The following MAST2 variants were observed in gnomAD, a reference collection of about 807,000 sequenced individuals.
MAST2 encodes microtubule associated serine/threonine kinase 2.
A neutral mutation model predicts 147.4 loss-of-function variants in MAST2; 70 were observed. That is an observed-to-expected ratio of 0.47 (90% CI 0.39 to 0.58). The LOEUF is 0.58. Among genes scored for constraint, MAST2 ranks in the 20% least tolerant of loss-of-function variants. The probability of loss-of-function intolerance (pLI) is 0.00; values close to 1 mark genes in which losing one functional copy is unlikely to be tolerated. For synonymous variants in MAST2, 869 were observed against 896.8 expected (o/e 0.97, Z 0.55); for missense variants, 2,080 against 2,302.3 (o/e 0.90, Z 1.98).
chr1:45,987,248 CT>C (rs922734066), intron 5 of MAST2, among the ~76,000 whole-genome samples: 4 of 151,284 alleles, frequency 2.6e-5, no homozygotes, highest in African/African-American at 7.3e-5. Context: ...TCTATTTTGT[CT>C]TTTTTTTTCC....
intron 3 of MAST2, among the ~76,000 whole-genome samples, chr1:45,831,719 T>A (rs1644961842): frequency 6.6e-6 from 1 of 151,918 alleles, no homozygotes; most frequent in Non-Finnish European, 1.5e-5. Flanking sequence ...GTATTTCTCC[T>A]AAGGTGAAGG....
intron 10 of MAST2, among the ~76,000 whole-genome samples, chr1:46,017,150 C>T (rs1318468755): frequency 1.3e-5 from 2 of 152,134 alleles, no homozygotes; most frequent in South Asian, 2.1e-4. Flanking sequence ...GGATCCCTTC[C>T]GTACACCTTA....
At chr1:45,813,804 A>G (rs980524141) in intron 1 of MAST2, among the ~76,000 whole-genome samples, 3 of 152,094 alleles carry the variant, frequency 2.0e-5, no homozygotes. Context: ...TGGCCAGATT[A>G]TAATTTTTTT....
chr1:45,982,460 A>G (rs577558136), intron 5 of MAST2, among the ~76,000 whole-genome samples: 48 of 152,192 alleles, frequency 3.2e-4, no homozygotes, highest in Non-Finnish European at 5.1e-4. Context: ...CATTTAGCCA[A>G]TCATTTAATC....
chr1:46,006,187 T>TGG (rs1162821374), intron 7 of MAST2, 54 bp from the exon 8 acceptor site: 8 of 1,530,508 alleles, frequency 5.2e-6, no homozygotes, highest in Non-Finnish European at 7.1e-6. Context: ...TCCCCATTCT[T>TGG]GGACTGCTCT....
intron 4 of MAST2, among the ~76,000 whole-genome samples, chr1:45,902,802 T>C (rs1650006618): frequency 6.6e-6 from 1 of 152,158 alleles, no homozygotes; most frequent in Admixed American, 6.5e-5. Context: ...GAGGAGCTTT[T>C]GTGTTTCTGT....
chr1:46,035,578 C>T lies in MAST2; in HGVS notation c.4909C>T (p.Leu1637Phe), dbSNP rs41309149. The change falls in exon 29 of 29, where the codon CTC becomes TTC. Residue 1637 changes from leucine to phenylalanine, a missense_variant. By Grantham distance (22) the Leu-to-Phe change is conservative. This residue lies in a region of MAST2 where 1,278 missense variants were observed against 1,304.2 expected (regional missense o/e 0.98). Coordinates refer to ENST00000361297, the MANE Select transcript of MAST2 (RefSeq NM_015112.3). The surrounding 1 kb of genome is among the most constrained non-coding windows in gnomAD (Gnocchi z 5.5). ...AGCACTTTCTCCCAGCACTTCGGGACTCACCCCCACCAGCAGTTGCTCTCC... is the reference window on the plus strand; with the variant it reads ...AGCACTTTCTCCCAGCACTTCGGGATTCACCCCCACCAGCAGTTGCTCTCC... ...LTALSPSTSGLTPTSSCSPPS... is the reference protein window; with the variant it reads ...LTALSPSTSGFTPTSSCSPPS... 6,776 of 1,613,692 alleles carry T rather than the reference C, an allele frequency of 4.2e-3. 14 individuals carry two copies. The highest frequency in any genetic ancestry group is 5.0e-3 in the Non-Finnish European group (5,910 of 1,180,008).
intron 10 of MAST2, among the ~76,000 whole-genome samples, chr1:46,013,493 C>G (rs886697610): frequency 6.6e-6 from 1 of 152,060 alleles, no homozygotes. Context: ...CCAGCCTGAT[C>G]AACATGGAGA....
Position 46,010,856 on chromosome 1 carries a change from T to G in MAST2, c.1105T>G (p.Cys369Gly), listed in dbSNP as rs1287863762. 6.2e-7 allele frequency: 1 copy of G among 1,614,278 alleles called. No individual in the cohort carries two copies. The highest frequency in any genetic ancestry group is 8.5e-7 in the Non-Finnish European group (1 of 1,180,048). The change falls in exon 10 of 29, where the codon TGC (cysteine) becomes GGC (glycine). Residue 369 changes from cysteine (C) to glycine (G), a missense_variant. Around this residue, in one of 4 missense-constraint regions of MAST2, gnomAD observed 569 missense variants for 642.5 expected, o/e 0.89. Transcript: ENST00000361297. ...HHQVIEMARD[C>G]LDKSRSGLIT... The stretch of plus-strand genomic sequence containing the variant: ...TCAGGTGATTGAGATGGCCCGAGAC[T>G]GCCTGGATAAATCTCGGAGTGGCCT...
intron 27 of MAST2, 31 bp from the exon 28 acceptor site, chr1:46,034,042 C>G (rs1448055590): frequency 1.5e-5 from 24 of 1,607,890 alleles, no homozygotes; most frequent in Middle Eastern, 3.3e-4. Context: ...GCTCACTGCA[C>G]CGACTCAGCC....
chr1:45,909,676 C>T lies in MAST2; in HGVS notation c.500+27281C>T, dbSNP rs530969512. On this transcript the variant is annotated intron_variant, in intron 4 of 28. Transcript: ENST00000361297. ...AGGACTACAGGCATGCGCCCCCACG[C>T]CCAGCTAATTTTTGTATTTTTAGTA... 2.8e-3 allele frequency among the ~76,000 whole-genome samples: 421 copies of T among 152,132 alleles called. 2 individuals are homozygous for T. The highest frequency in any genetic ancestry group is 4.8e-3 in the Non-Finnish European group (323 of 67,970).
chr1:45,944,394 ATTTT>A (rs532812786), intron 4 of MAST2, among the ~76,000 whole-genome samples: 1 of 152,022 alleles, frequency 6.6e-6, no homozygotes, highest in South Asian at 2.1e-4. Context: ...ACTACTTTAA[ATTTT>A]TTTATCTATT....
At chr1:45,811,012 C>T (rs1466760325) in intron 1 of MAST2, among the ~76,000 whole-genome samples, 1 of 149,910 alleles carries the variant, frequency 6.7e-6, no homozygotes, top group East Asian at 2.0e-4. Flanking sequence ...GCCACCATGC[C>T]TGGCTAATTT....
intron 3 of MAST2, among the ~76,000 whole-genome samples, chr1:45,862,981 G>GT (rs1196436027): frequency 6.6e-6 from 1 of 151,942 alleles, no homozygotes; most frequent in Non-Finnish European, 1.5e-5. Flanking sequence ...TTACTTGTTT[G>GT]TATTTGGCTT....
At chr1:45,996,668 G>T (rs1318152522) in intron 5 of MAST2, among the ~76,000 whole-genome samples, 1 of 152,122 alleles carries the variant, frequency 6.6e-6, no homozygotes, top group African/African-American at 2.4e-5. Flanking sequence ...TGATACAGAG[G>T]TGCTGCTGCA....
intron 4 of MAST2, among the ~76,000 whole-genome samples, chr1:45,940,240 G>A (rs1657042894): frequency 6.6e-6 from 1 of 151,830 alleles, no homozygotes; most frequent in South Asian, 2.1e-4. Context: ...TGATCCACCC[G>A]CCTCGGCCTC....
chr1:45,882,618 G>T (rs568650944), intron 4 of MAST2, among the ~76,000 whole-genome samples: 1 of 152,106 alleles, frequency 6.6e-6, no homozygotes, highest in Non-Finnish European at 1.5e-5. Context: ...TTCCCTCTCA[G>T]TTTCTACATA....
chr1:45,857,857 T>G (rs1645843191), intron 3 of MAST2, among the ~76,000 whole-genome samples: 1 of 147,272 alleles, frequency 6.8e-6, no homozygotes, highest in Non-Finnish European at 1.5e-5. Flanking sequence ...GGTGTTTTTT[T>G]TTTTTTTTTT....
intron 1 of MAST2, among the ~76,000 whole-genome samples, chr1:45,804,685 C>T (rs1644087171): frequency 6.6e-6 from 1 of 152,196 alleles, no homozygotes; most frequent in African/African-American, 2.4e-5. Flanking sequence ...TAGTTTTCCA[C>T]TGAAAACACA....
Sources: allele counts gnomAD v4.1 joint callset (sites outside exome capture counted in the v4.1 genomes callset), GRCh38; gene constraint gnomAD v4.1.1; regional missense constraint gnomAD v4.1.1; non-coding constraint Gnocchi (gnomAD v3.1); transcripts MANE v1.5; gene names NCBI Gene and HGNC (gene_info 2026-07-23, HGNC 2026-07-21).